The following SMAD6 variants were observed in gnomAD, a reference collection of about 807,000 sequenced individuals.
SMAD6 encodes the protein MAD homolog 6.
A neutral mutation model predicts 39.4 loss-of-function variants in SMAD6; 103 were observed. The ratio of observed to expected loss-of-function variants is 2.62; its 90% CI spans 2.23 to 3.08. The LOEUF (loss-of-function observed/expected upper bound fraction) is 3.08, where lower values mean the gene tolerates loss of function less well. Ranked by LOEUF, SMAD6 falls within the 30% of genes most tolerant of loss-of-function variation. The pLI, the probability that SMAD6 is intolerant of heterozygous loss-of-function variation, is 0.00. For synonymous variants in SMAD6, 445 were observed against 353.3 expected, an observed-to-expected ratio of 1.26 and a Z score of -2.91; for missense variants, 1,104 against 742.9, an observed-to-expected ratio of 1.49 and a Z score of -5.65.
Position 66,703,729 on chromosome 15 carries a change from G to T in SMAD6, c.471G>T (p.Arg157=), listed in dbSNP as rs1456641786. ...GAALEPAGGG[R]SREARSRLLL... ...CCCTGGAGCCGGCGGGCGGCGGGCG[G>T]AGTCGCGAAGCGCGCTCGCGGCTGC... Residue 157 remains arginine, a synonymous_variant, in exon 1 of 4, where the codon CGG becomes CGT. Transcript: ENST00000288840. 1 of 1,361,726 alleles carries T rather than the reference G, an allele frequency of 7.3e-7. No homozygotes were observed. The highest frequency in any genetic ancestry group is 2.6e-5 in the Admixed American group (1 of 38,610). 84.4% of individuals were successfully genotyped at this position (1,361,726 alleles called of 1,614,324 possible).
At chr15:66,721,758 G>C (rs1005997157) in intron 3 of SMAD6, among the ~76,000 whole-genome samples, 1 of 152,200 alleles carries the variant, frequency 6.6e-6, no homozygotes, top group African/African-American at 2.4e-5. Context: ...AGGGCTAGGG[G>C]CACAGAGATA....
At chr15:66,723,131 C>G (rs1893463215) in intron 3 of SMAD6, among the ~76,000 whole-genome samples, 1 of 152,074 alleles carries the variant, frequency 6.6e-6, no homozygotes, top group African/African-American at 2.4e-5. Context: ...CGTCGTTGGC[C>G]AAAAGCAAAA....
At position 66,716,434 on chromosome 15, in the gene SMAD6, C is replaced by T. The variant is rs766233049; in HGVS notation, c.888C>T (p.Ser296=). The T allele has an allele frequency of 1.2e-6, 2 of 1,613,036 alleles. No individual in the cohort carries two copies. Among genetic ancestry groups the T allele is most frequent in the East Asian group, 2.2e-5 (1 of 44,884 alleles). The change falls in exon 3 of 4, where the codon TCC becomes TCT. Residue 296 remains serine (S), a synonymous_variant. Transcript: ENST00000288840. ...TTCCTCCCACAGATCTGTCCGATTC[C>T]ACATTGTCTTACACTGAAACGGAGG... The part of the protein sequence containing the change: ...DEYKPLDLSD[S]TLSYTETEAT...
intron 3 of SMAD6, among the ~76,000 whole-genome samples, chr15:66,718,977 A>G (rs141445201): frequency 7.3e-4 from 111 of 152,310 alleles, no homozygotes; most frequent in Non-Finnish European, 1.3e-3. Context: ...CTAAGGACAA[A>G]TAATGATGAT....
intron 3 of SMAD6, among the ~76,000 whole-genome samples, chr15:66,749,690 C>T (rs1362014475): frequency 6.6e-6 from 1 of 152,184 alleles, no homozygotes; most frequent in Non-Finnish European, 1.5e-5. Context: ...GGCAGAGACA[C>T]AGCGATCATT....
intron 3 of SMAD6, among the ~76,000 whole-genome samples, chr15:66,727,475 A>G (rs1893542787): frequency 6.6e-6 from 1 of 152,208 alleles, no homozygotes; most frequent in South Asian, 2.1e-4. Flanking sequence ...GCTGGGTTTG[A>G]AGGTGCAAGG....
chr15:66,704,294 A>G (rs1186105133), intron 1 of SMAD6: 1 of 388,960 alleles, frequency 2.6e-6, no homozygotes, highest in Non-Finnish European at 4.5e-6. Flanking sequence ...GCTCCGGTAA[A>G]CTTAAAAGGG....
Position 66,703,943 on chromosome 15 carries a change from C to G in SMAD6, c.685C>G (p.Leu229Val), listed in dbSNP as rs751084258. The G allele has an allele frequency of 2.9e-6, 4 of 1,387,890 alleles. No homozygotes were observed. In the Admixed American group the frequency reaches 1.1e-4, roughly 39 times the overall value. The allele number at this position is 1,387,890 out of a possible 1,614,324, so 86.0% of individuals were successfully genotyped here. Residue 229 changes from leucine to valine, a missense_variant, in exon 1 of 4, where the codon CTC (leucine) becomes GTC (valine). Coordinates refer to ENST00000288840, the MANE Select transcript of SMAD6 (RefSeq NM_005585.5). ...PAPPQLLLGR[L>V]FRWPDLQHAV... ...GCCGCCGCAGCTGCTGCTCGGCCGC[C>G]TCTTTCGCTGGCCCGACCTGCAGCA... is the stretch of plus-strand genomic sequence containing the variant.
At chr15:66,761,340 T>TA (rs1326645041) in intron 3 of SMAD6, among the ~76,000 whole-genome samples, 7 of 152,212 alleles carry the variant, frequency 4.6e-5, no homozygotes, top group African/African-American at 1.7e-4. Context: ...TCCTGTGTCT[T>TA]ACAATGTTAT....
intron 3 of SMAD6, among the ~76,000 whole-genome samples, chr15:66,771,920 G>A (rs189032790): frequency 6.6e-6 from 1 of 152,168 alleles, no homozygotes; most frequent in Non-Finnish European, 1.5e-5. Context: ...GCCAAAAAGT[G>A]TGTTTCCAGG....
Position 66,703,949 on chromosome 15 carries a change from C to T in SMAD6, c.691C>T (p.Arg231Cys), listed in dbSNP as rs1395007983. ...GCAGCTGCTGCTCGGCCGCCTCTTT[C>T]GCTGGCCCGACCTGCAGCACGCCGT... Reference protein sequence around the residue: ...PPQLLLGRLFRWPDLQHAVEL... With the variant: ...PPQLLLGRLFCWPDLQHAVEL... The change falls in exon 1 of 4, where the codon CGC (arginine) becomes TGC (cysteine). Residue 231 changes from arginine to cysteine, a missense_variant. Physicochemically the swap from Arg to Cys is radical, Grantham distance 180 (BLOSUM62 -3). Transcript: ENST00000288840. 6 of 1,407,514 alleles carry T rather than the reference C, an allele frequency of 4.3e-6. No individual in the cohort carries two copies. Among genetic ancestry groups the T allele is most frequent in the East Asian group, 3.1e-5 (1 of 32,600 alleles). The allele number at this position is 1,407,514 out of a possible 1,614,324, so 87.2% of individuals were successfully genotyped here.
intron 3 of SMAD6, among the ~76,000 whole-genome samples, chr15:66,767,038 G>A (rs188781269): frequency 1.1e-3 from 166 of 152,340 alleles, no homozygotes; most frequent in Admixed American, 8.2e-3. Context: ...ATTACTCTGA[G>A]AAATATGAAA....
In SMAD6 at chr15:66,703,818, C is replaced by CGCTGGACACGCT; in HGVS notation, c.567_578dup (p.Asp189_Leu192dup). ...CTGCTGAAGCGGCTCAAGGAGCGCT[C>CGCTGGACACGCT]GCTGGACACGCTGCTGGAGGCGGTG... On this transcript the variant is annotated inframe_insertion, in exon 1 of 4. Transcript: ENST00000288840. The CGCTGGACACGCT allele has an allele frequency of 7.0e-7, 1 of 1,421,458 alleles. No homozygotes were observed. Among genetic ancestry groups the CGCTGGACACGCT allele is most frequent in the Non-Finnish European group, 9.3e-7 (1 of 1,076,432 alleles). 88.1% of individuals were successfully genotyped at this position (1,421,458 alleles called of 1,614,324 possible).
At position 66,781,417 on chromosome 15, in the gene SMAD6, C is replaced by T. The variant is rs746188996; in HGVS notation, c.1373C>T (p.Pro458Leu). The change falls in exon 4 of 4, where the codon CCC (proline) becomes CTC (leucine). Residue 458 changes from proline to leucine, a missense_variant. By Grantham distance (98) the Pro-to-Leu change is moderately conservative (BLOSUM62 -3). Transcript: ENST00000288840. ...HAPEPDAADGPYDPNSVRISF... is the reference protein window; with the variant it reads ...HAPEPDAADGLYDPNSVRISF... ...CCCGAGCCCGACGCCGCCGACGGCCCCTACGACCCCAACAGCGTCCGCATC... is the reference window on the plus strand; with the variant it reads ...CCCGAGCCCGACGCCGCCGACGGCCTCTACGACCCCAACAGCGTCCGCATC... The T allele has an allele frequency of 6.2e-7, 1 of 1,604,814 alleles. No individual in the cohort carries two copies. The highest frequency in any genetic ancestry group is 8.5e-7 in the Non-Finnish European group (1 of 1,178,388).
At chr15:66,714,637 G>T (rs1221200693) in intron 2 of SMAD6, among the ~76,000 whole-genome samples, 1 of 152,184 alleles carries the variant, frequency 6.6e-6, no homozygotes, top group East Asian at 1.9e-4. Context: ...CATAGTGGAG[G>T]CGGGACCTGA....
At chr15:66,754,685 C>T (rs1269747963) in intron 3 of SMAD6, among the ~76,000 whole-genome samples, 1 of 152,166 alleles carries the variant, frequency 6.6e-6, no homozygotes, top group African/African-American at 2.4e-5. Flanking sequence ...CTCCCAGAAT[C>T]CTTATAACCA....
In SMAD6 at chr15:66,702,285, CAG is replaced by C; in HGVS notation, c.-973_-972del. On this transcript the variant is annotated 5_prime_UTR_variant, in exon 1 of 4. The change creates a premature stop within an existing upstream ORF in the 5' untranslated region. Transcript: ENST00000288840. ...TCCGCGGCGCTCCTCCGGGGGCCCTCAGTGTGCGTTTGAGGAGAACAAAAAAG... is the reference window on the plus strand; with the variant it reads ...TCCGCGGCGCTCCTCCGGGGGCCCTCTGTGCGTTTGAGGAGAACAAAAAAG... 1 of 152,330 alleles carries C rather than the reference CAG, an allele frequency of 6.6e-6. No individual in the cohort carries two copies. The highest frequency in any genetic ancestry group is 1.9e-4 in the East Asian group (1 of 5,180). 9.4% of individuals were successfully genotyped at this position (152,330 alleles called of 1,614,324 possible). A position where few individuals can be genotyped will look rare whatever the true frequency, so the allele number is the denominator to read the frequency against.
chr15:66,729,691 C>T (rs1893590602), intron 3 of SMAD6, among the ~76,000 whole-genome samples: 1 of 152,316 alleles, frequency 6.6e-6, no homozygotes, highest in South Asian at 2.1e-4. Flanking sequence ...TTCCCTGGCC[C>T]GCCCCCTCCC....
chr15:66,710,880 G>C (rs1442210956), intron 1 of SMAD6, among the ~76,000 whole-genome samples: 1 of 152,218 alleles, frequency 6.6e-6, no homozygotes, highest in African/African-American at 2.4e-5. Flanking sequence ...CAAAAGGGGA[G>C]ACTGAGGCCA....
Sources: gnomAD v4.1 joint callset for allele counts (sites outside exome capture counted in the v4.1 genomes callset) on GRCh38, gnomAD v4.1.1 for gene constraint, MANE v1.5 for transcripts, NCBI Gene and HGNC (gene_info 2026-07-23, HGNC 2026-07-21) for gene names.